The following CLIC5 variants were observed in gnomAD, a reference collection of about 807,000 sequenced individuals.
CLIC5 encodes the protein CLIC family member 5.
CLIC5 carries 20 observed loss-of-function variants against 24.7 expected under a neutral mutation model. That is an observed-to-expected ratio of 0.81 (90% confidence interval 0.57 to 1.18). CLIC5 has a LOEUF of 1.18. Among genes scored for constraint, CLIC5 ranks in the 50% most tolerant of loss-of-function variants. CLIC5 has a pLI of 0.00. For synonymous variants in CLIC5, 159 were observed against 135.6 expected, an observed-to-expected ratio of 1.17 and a Z score of -1.20; for missense variants, 341 against 326.1, an observed-to-expected ratio of 1.05 and a Z score of -0.35.
At chr6:45,929,269 C>T (rs1407959219) in intron 4 of CLIC5, among the ~76,000 whole-genome samples, 4 of 152,190 alleles carry the variant, frequency 2.6e-5, no homozygotes, top group Non-Finnish European at 4.4e-5. Context: ...AAATCAAAGA[C>T]CCTCTGGAGG....
intron 1 of CLIC5, among the ~76,000 whole-genome samples, chr6:46,049,705 C>A (rs946852364): frequency 6.6e-6 from 1 of 152,140 alleles, no homozygotes; most frequent in Non-Finnish European, 1.5e-5. Flanking sequence ...AACTCAGGGA[C>A]AAAAACAGAT....
At chr6:45,952,986 A>G (rs1013358212) in intron 2 of CLIC5, among the ~76,000 whole-genome samples, 4 of 152,200 alleles carry the variant, frequency 2.6e-5, no homozygotes, top group South Asian at 2.1e-4. Context: ...ACTAGTTTCT[A>G]TGGAGGATAC....
At chr6:46,113,255 C>G in the CLIC5 span, among the ~76,000 whole-genome samples, 1 of 152,032 alleles carries the variant, frequency 6.6e-6, no homozygotes, top group Non-Finnish European at 1.5e-5. Flanking sequence ...AGCAAATGAG[C>G]CACAGGAAAT....
At chr6:45,955,071 C>G (rs1764597791) in intron 2 of CLIC5, 64 bp downstream of exon 2, 1 of 1,257,128 alleles carries the variant, frequency 8.0e-7, no homozygotes, top group Non-Finnish European at 1.1e-6. Context: ...CTTTTGCCCT[C>G]CTTCATGGAA....
chr6:45,968,455 T>C (rs139828448), intron 1 of CLIC5, among the ~76,000 whole-genome samples: 18 of 151,890 alleles, frequency 1.2e-4, no homozygotes, highest in African/African-American at 4.1e-4. Context: ...TTCCTGGGGG[T>C]CCTGAAACCA....
At chr6:45,945,562 C>T (rs577925223) in intron 3 of CLIC5, among the ~76,000 whole-genome samples, 2 of 152,272 alleles carry the variant, frequency 1.3e-5, no homozygotes, top group Non-Finnish European at 2.9e-5. Flanking sequence ...GAGGGCCACC[C>T]TACCCTCTCA....
At chr6:46,022,902 C>T (rs188682719) in intron 1 of CLIC5, among the ~76,000 whole-genome samples, 15 of 152,112 alleles carry the variant, frequency 9.9e-5, no homozygotes, top group Non-Finnish European at 2.1e-4. Context: ...TTATTCCTTC[C>T]GGGATTGAGT....
chr6:46,004,237 AG>A (rs1225170338), intron 1 of CLIC5, among the ~76,000 whole-genome samples: 1 of 152,182 alleles, frequency 6.6e-6, no homozygotes, highest in Non-Finnish European at 1.5e-5. Flanking sequence ...GCCAGTTTGT[AG>A]TAGGAAACAA....
intron 1 of CLIC5, among the ~76,000 whole-genome samples, chr6:46,035,730 G>C (rs897190116): frequency 6.6e-6 from 1 of 151,572 alleles, no homozygotes; most frequent in Non-Finnish European, 1.5e-5. Flanking sequence ...AGAGCTGGTG[G>C]TTTTCTTTTT....
the CLIC5 span, among the ~76,000 whole-genome samples, chr6:46,120,776 A>G: frequency 3.3e-5 from 5 of 151,832 alleles, no homozygotes; most frequent in East Asian, 9.7e-4. Flanking sequence ...CGAGAACTAC[A>G]TGATGAATGC....
chr6:45,969,067 A>T (rs1765107843), intron 1 of CLIC5, among the ~76,000 whole-genome samples: 1 of 152,214 alleles, frequency 6.6e-6, no homozygotes, highest in African/African-American at 2.4e-5. Flanking sequence ...AAATAACTAA[A>T]TCTTTTATTT....
chr6:46,033,318 T>C (rs1767565681), intron 1 of CLIC5, among the ~76,000 whole-genome samples: 2 of 151,894 alleles, frequency 1.3e-5, no homozygotes, highest in Non-Finnish European at 2.9e-5. Flanking sequence ...TTAAGATGTA[T>C]GCAGACTTAT....
chr6:45,930,693 C>T (rs534139483), intron 4 of CLIC5, among the ~76,000 whole-genome samples: 1 of 152,098 alleles, frequency 6.6e-6, no homozygotes, highest in South Asian at 2.1e-4. Flanking sequence ...GGTATGGAGG[C>T]GGGGGGAGCA....
intron 1 of CLIC5, among the ~76,000 whole-genome samples, chr6:46,024,291 G>A (rs1172327878): frequency 6.6e-6 from 1 of 152,154 alleles, no homozygotes; most frequent in African/African-American, 2.4e-5. Flanking sequence ...AAGCCTTAAG[G>A]ATGGTCAGGT....
chr6:46,048,009 T>TTC (rs1472759325), intron 1 of CLIC5, among the ~76,000 whole-genome samples: 2 of 151,376 alleles, frequency 1.3e-5, no homozygotes, highest in African/African-American at 2.4e-5. Flanking sequence ...TATCTACTTT[T>TTC]TTTTTTTTTT....
intron 1 of CLIC5, among the ~76,000 whole-genome samples, chr6:45,962,444 C>T (rs1473368323): frequency 7.0e-6 from 1 of 143,762 alleles, no homozygotes; most frequent in Non-Finnish European, 1.5e-5. Context: ...GGGCAATCTG[C>T]TTTACTCAAA....
At chr6:46,122,754 C>T in the CLIC5 span, among the ~76,000 whole-genome samples, 8 of 152,022 alleles carry the variant, frequency 5.3e-5, no homozygotes, top group African/African-American at 1.2e-4. Context: ...GGGATACCAC[C>T]GCCGATCCCA....
intron 2 of CLIC5, among the ~76,000 whole-genome samples, chr6:45,954,272 CAAAAAAAA>C (rs11311720): frequency 1.3e-5 from 1 of 76,562 alleles, no homozygotes; most frequent in African/African-American, 4.5e-5. Context: ...GACTCTGTCT[CAAAAAAAA>C]AAAAAAAAAA....
At chr6:45,940,460 C>A (rs369316195) in intron 4 of CLIC5, among the ~76,000 whole-genome samples, 6 of 152,348 alleles carry the variant, frequency 3.9e-5, no homozygotes, top group African/African-American at 1.4e-4. Context: ...TCCCGATACA[C>A]CAACTCTGTT....
Sources: allele counts gnomAD v4.1 joint callset (sites outside exome capture counted in the v4.1 genomes callset), GRCh38; gene constraint gnomAD v4.1.1; transcripts MANE v1.5; gene names NCBI Gene and HGNC (gene_info 2026-07-23, HGNC 2026-07-21).